Variants in GRM3 observed in about 807,000 individuals in gnomAD.
GRM3 encodes metabotropic glutamate receptor 3.
Under a neutral mutation model 70.5 loss-of-function variants are expected in GRM3, and 26 were observed. The ratio of observed to expected loss-of-function variants is 0.37; its 90% CI spans 0.27 to 0.51. GRM3 has a LOEUF of 0.51. Among genes scored for constraint, GRM3 ranks in the 20% least tolerant of loss-of-function variants. The probability of loss-of-function intolerance (pLI) is 0.93; values close to 1 mark genes in which losing one functional copy is unlikely to be tolerated. For synonymous variants in GRM3, 443 were observed against 434.9 expected, an observed-to-expected ratio of 1.02 and a Z score of -0.23; for missense variants, 859 against 1,123.8, an observed-to-expected ratio of 0.76 and a Z score of 3.37.
chr7:86,857,262 T>C (rs17161062), intron 5 of GRM3, among the ~76,000 whole-genome samples: 2,981 of 152,086 alleles, frequency 0.02, 85 homozygotes, highest in African/African-American at 0.068. Flanking sequence ...TGACACTACG[T>C]AGTAGCCTGG....
At chr7:86,645,884 G>A (rs539062737) in intron 1 of GRM3, among the ~76,000 whole-genome samples, 3 of 151,276 alleles carry the variant, frequency 2.0e-5, no homozygotes, top group Non-Finnish European at 4.4e-5. Flanking sequence ...GTGAGTTGAG[G>A]TAGGTGTGAG....
intron 1 of GRM3, among the ~76,000 whole-genome samples, chr7:86,684,889 T>G (rs1794526613): frequency 1.3e-5 from 2 of 152,242 alleles, no homozygotes; most frequent in Admixed American, 1.3e-4. Context: ...AGTTTTCTCA[T>G]CTGTTACATG....
rs188619220 is a variant in GRM3, at chr7:86,711,888, C to T, written c.-140-53118C>T. Among the ~76,000 whole-genome samples, 11 of 152,144 alleles carry T rather than the reference C, an allele frequency of 7.2e-5. No individual in the cohort carries two copies. In the East Asian group the frequency reaches 1.9e-3, roughly 27 times the overall value. ...CATCTCTTCTATTAGGGTACATATACTTTAAACCTGACCTAATCCTGAATT... is the reference window on the plus strand; with the variant it reads ...CATCTCTTCTATTAGGGTACATATATTTTAAACCTGACCTAATCCTGAATT... On this transcript the variant is annotated intron_variant, in intron 1 of 5. Coordinates refer to ENST00000361669, the MANE Select transcript of GRM3 (RefSeq NM_000840.3).
chr7:86,743,195 T>C (rs184292317), intron 1 of GRM3, among the ~76,000 whole-genome samples: 1 of 152,288 alleles, frequency 6.6e-6, no homozygotes, highest in African/African-American at 2.4e-5. Flanking sequence ...TCTCTCAATA[T>C]ATAGGTTTCA....
intron 1 of GRM3, among the ~76,000 whole-genome samples, chr7:86,661,066 CATCATGGTCT>C (rs1266502145): frequency 6.6e-6 from 1 of 151,954 alleles, no homozygotes; most frequent in African/African-American, 2.4e-5. Flanking sequence ...GTATAAACAG[CATCATGGTCT>C]CTTATCTAAT....
chr7:86,736,918 C>T (rs1339868079), intron 1 of GRM3, among the ~76,000 whole-genome samples: 2 of 152,056 alleles, frequency 1.3e-5, no homozygotes, highest in African/African-American at 4.8e-5. Flanking sequence ...TAAAATTTAA[C>T]CCATATCTAA....
At chr7:86,684,138 C>T (rs1032054267) in intron 1 of GRM3, among the ~76,000 whole-genome samples, 2 of 152,082 alleles carry the variant, frequency 1.3e-5, no homozygotes, top group African/African-American at 2.4e-5. Flanking sequence ...ACTCCCTCCC[C>T]GAAGTCTTAG....
At chr7:86,697,459 G>A (rs1379115310) in intron 1 of GRM3, among the ~76,000 whole-genome samples, 1 of 152,046 alleles carries the variant, frequency 6.6e-6, no homozygotes, top group Non-Finnish European at 1.5e-5. Flanking sequence ...GTTCAGACCT[G>A]GTTTGTCGGA....
intron 1 of GRM3, among the ~76,000 whole-genome samples, chr7:86,728,744 T>A (rs1336802616): frequency 6.6e-6 from 1 of 152,190 alleles, no homozygotes; most frequent in Non-Finnish European, 1.5e-5. Context: ...CCATATCTGA[T>A]ATGTTGGTTG....
intron 3 of GRM3, among the ~76,000 whole-genome samples, chr7:86,792,187 A>G (rs1267428286): frequency 2.6e-5 from 4 of 152,212 alleles, no homozygotes; most frequent in Non-Finnish European, 5.9e-5. Flanking sequence ...CCAGTTCCAG[A>G]AAGTCGAATA....
chr7:86,702,881 G>A (rs1794974884), intron 1 of GRM3, among the ~76,000 whole-genome samples: 1 of 151,924 alleles, frequency 6.6e-6, no homozygotes, highest in Non-Finnish European at 1.5e-5. Context: ...TGAGACGTTA[G>A]AGTTACCCTT....
At chr7:86,827,775 A>G (rs1054977949) in intron 3 of GRM3, among the ~76,000 whole-genome samples, 4 of 151,988 alleles carry the variant, frequency 2.6e-5, no homozygotes, top group African/African-American at 7.3e-5. Flanking sequence ...AAGTGCTGGG[A>G]TTACAGGCAT....
At chr7:86,728,310 C>G (rs1201808773) in intron 1 of GRM3, among the ~76,000 whole-genome samples, 1 of 152,072 alleles carries the variant, frequency 6.6e-6, no homozygotes, top group East Asian at 1.9e-4. Flanking sequence ...CTATCAAAGA[C>G]AGTATATGTA....
At chr7:86,660,418 ACT>A (rs1276057314) in intron 1 of GRM3, among the ~76,000 whole-genome samples, 3 of 152,002 alleles carry the variant, frequency 2.0e-5, no homozygotes, top group East Asian at 1.9e-4. Flanking sequence ...TCATTGGAAA[ACT>A]CTAATTCCCA....
At chr7:86,664,282 A>G (rs1361178197) in intron 1 of GRM3, among the ~76,000 whole-genome samples, 1 of 151,974 alleles carries the variant, frequency 6.6e-6, no homozygotes, top group East Asian at 1.9e-4. Flanking sequence ...GATGGTAGAC[A>G]TTGAAATAAC....
intron 1 of GRM3, among the ~76,000 whole-genome samples, chr7:86,733,942 G>A (rs148458666): frequency 7.9e-5 from 12 of 152,330 alleles, no homozygotes; most frequent in African/African-American, 2.4e-4. Flanking sequence ...CATAATAAGC[G>A]GAGCTGTGTG....
At chr7:86,840,392 A>G (rs1798537510) in intron 4 of GRM3, among the ~76,000 whole-genome samples, 1 of 152,180 alleles carries the variant, frequency 6.6e-6, no homozygotes, top group South Asian at 2.1e-4. Context: ...CTCATGCTTC[A>G]TTATTTCTCT....
intron 3 of GRM3, among the ~76,000 whole-genome samples, chr7:86,809,042 G>A (rs993079862): frequency 1.3e-5 from 2 of 151,982 alleles, no homozygotes; most frequent in African/African-American, 4.8e-5. Context: ...ATCAGAAAAA[G>A]CTAATAAAGA....
chr7:86,716,239 G>GA (rs1172811982), intron 1 of GRM3, among the ~76,000 whole-genome samples: 6 of 151,258 alleles, frequency 4.0e-5, no homozygotes, highest in African/African-American at 9.7e-5. Context: ...ATGATGTAAA[G>GA]AAAAAAAATA....
Sources: allele counts gnomAD v4.1 joint callset (sites outside exome capture counted in the v4.1 genomes callset), GRCh38; gene constraint gnomAD v4.1.1; transcripts MANE v1.5; gene names NCBI Gene and HGNC (gene_info 2026-07-23, HGNC 2026-07-21).